SGCD: variants seen among roughly 807,000 people sequenced by gnomAD.
SGCD encodes the protein delta-sarcoglycan.
A neutral mutation model predicts 36.6 loss-of-function variants in SGCD; 18 were observed. The ratio of observed to expected loss-of-function variants is 0.49; its 90% confidence interval spans 0.34 to 0.73. The LOEUF is 0.73. SGCD is among the 30% of genes least tolerant of loss of function. The pLI, the probability that SGCD is intolerant of heterozygous loss-of-function variation, is 0.01. For missense variants in SGCD, 387 were observed against 346.7 expected (o/e 1.12, Z -0.92); for synonymous variants, 133 against 130.6 (o/e 1.02, Z -0.12).
At chr5:156,219,219 A>G (rs1353672279) in intron 3 of SGCD, among the ~76,000 whole-genome samples, 1 of 152,238 alleles carries the variant, frequency 6.6e-6, no homozygotes, top group Non-Finnish European at 1.5e-5. Flanking sequence ...CATCTTTATA[A>G]GAATATTCAC....
chr5:156,565,435 T>G (rs999392046), intron 4 of SGCD, among the ~76,000 whole-genome samples: 1 of 152,244 alleles, frequency 6.6e-6, no homozygotes, highest in African/African-American at 2.4e-5. Context: ...TCCATCATTA[T>G]GGTCCTACAC....
chr5:155,831,814 TGAG>T, the SGCD span, among the ~76,000 whole-genome samples: 3 of 152,138 alleles, frequency 2.0e-5, no homozygotes, highest in Non-Finnish European at 4.4e-5. Flanking sequence ...CTCTGCCTGA[TGAG>T]GAGAATGGAG....
chr5:156,416,094 A>G (rs1773014378), intron 3 of SGCD, among the ~76,000 whole-genome samples: 1 of 152,204 alleles, frequency 6.6e-6, no homozygotes, highest in Non-Finnish European at 1.5e-5. Flanking sequence ...CCTCCTTTTA[A>G]CTATGCTGGA....
intron 3 of SGCD, among the ~76,000 whole-genome samples, chr5:156,480,478 A>C (rs1418494640): frequency 6.6e-6 from 1 of 152,128 alleles, no homozygotes; most frequent in Non-Finnish European, 1.5e-5. Context: ...CTCTAATTAA[A>C]CCAACTTATT....
chr5:156,061,796 A>C, intron 1 of SGCD, among the ~76,000 whole-genome samples: 1 of 145,596 alleles, frequency 6.9e-6, no homozygotes, highest in Middle Eastern at 3.6e-3. Context: ...TCATAGATGA[A>C]CTGACAGTTT....
At chr5:156,685,690 G>C (rs157456) in intron 7 of SGCD, among the ~76,000 whole-genome samples, 4,207 of 152,266 alleles carry the variant, frequency 0.028, 176 homozygotes, top group East Asian at 0.16. Context: ...GGGAGATAAT[G>C]GGGATATTGT....
At chr5:155,931,080 G>A (rs962273012) in intron 1 of SGCD, among the ~76,000 whole-genome samples, 18 of 152,082 alleles carry the variant, frequency 1.2e-4, no homozygotes, top group African/African-American at 4.3e-4. Flanking sequence ...TTTTTAATAT[G>A]TTGATGGGAT....
intron 7 of SGCD, among the ~76,000 whole-genome samples, chr5:156,674,487 C>G (rs1753430746): frequency 6.6e-6 from 1 of 152,162 alleles, no homozygotes; most frequent in Non-Finnish European, 1.5e-5. Context: ...TATAAGAAAG[C>G]AGTTTCTAAT....
chr5:156,626,383 G>T (rs754020172), intron 6 of SGCD, among the ~76,000 whole-genome samples: 7 of 152,168 alleles, frequency 4.6e-5, no homozygotes, highest in Non-Finnish European at 4.4e-5. Context: ...GTTAACCATG[G>T]GTAAGTATGG....
At chr5:156,159,002 G>T (rs1034307089) in intron 3 of SGCD, among the ~76,000 whole-genome samples, 11 of 151,078 alleles carry the variant, frequency 7.3e-5, no homozygotes, top group Non-Finnish European at 1.2e-4. Flanking sequence ...TATCATCATT[G>T]TTTTGAGAAG....
intron 3 of SGCD, among the ~76,000 whole-genome samples, chr5:156,203,860 A>AT (rs1469345681): frequency 2.0e-5 from 3 of 152,088 alleles, no homozygotes; most frequent in African/African-American, 7.2e-5. Context: ...TGAGGAGGTA[A>AT]TTTTTTAAAA....
chr5:156,445,301 A>C (rs1042622752), intron 3 of SGCD, among the ~76,000 whole-genome samples: 3 of 152,134 alleles, frequency 2.0e-5, no homozygotes, highest in African/African-American at 7.2e-5. Context: ...CAATATGACT[A>C]TAGGTAGCCA....
chr5:155,881,383 T>A (rs903976969), intron 1 of SGCD, among the ~76,000 whole-genome samples: 35 of 152,134 alleles, frequency 2.3e-4, no homozygotes, highest in Admixed American at 1.0e-3. Flanking sequence ...GCATATAAAG[T>A]TTTGTTTACA....
intron 1 of SGCD, among the ~76,000 whole-genome samples, chr5:156,108,268 G>A (rs7737257): frequency 0.45 from 69,045 of 151,858 alleles, 17,492 homozygotes; most frequent in African/African-American, 0.69. Context: ...TTTGCATTTC[G>A]TAACATTACC....
At chr5:156,210,171 AC>A (rs1764401171) in intron 3 of SGCD, among the ~76,000 whole-genome samples, 2 of 152,078 alleles carry the variant, frequency 1.3e-5, no homozygotes, top group Admixed American at 1.3e-4. Context: ...TAGCAAACCC[AC>A]CCATCTGCCG....
chr5:156,389,654 C>T (rs1413909423), intron 3 of SGCD, among the ~76,000 whole-genome samples: 1 of 152,150 alleles, frequency 6.6e-6, no homozygotes, highest in African/African-American at 2.4e-5. Context: ...GTAAAGCTCA[C>T]TTGCCCCCTG....
At chr5:156,570,608 T>A (rs1759680402) in intron 4 of SGCD, among the ~76,000 whole-genome samples, 1 of 152,242 alleles carries the variant, frequency 6.6e-6, no homozygotes, top group Non-Finnish European at 1.5e-5. Context: ...TACTGTTTTG[T>A]CTAATACTAA....
chr5:156,657,782 CACAGAG>C (rs1204514921), intron 7 of SGCD, among the ~76,000 whole-genome samples: 1 of 148,724 alleles, frequency 6.7e-6, no homozygotes, highest in East Asian at 2.0e-4. Context: ...AAGAAAAAGA[CACAGAG>C]ACAAAGTATA....
chr5:155,799,058 C>T, the SGCD span, among the ~76,000 whole-genome samples: 1 of 152,158 alleles, frequency 6.6e-6, no homozygotes, highest in Non-Finnish European at 1.5e-5. Context: ...GGCATCATTG[C>T]AGTTTATGCC....
Sources: allele counts gnomAD v4.1 joint callset (sites outside exome capture counted in the v4.1 genomes callset), GRCh38; gene constraint gnomAD v4.1.1; transcripts MANE v1.5; gene names NCBI Gene and HGNC (gene_info 2026-07-23, HGNC 2026-07-21).